Variants in FLT1 observed in about 807,000 individuals in gnomAD.
FLT1 encodes the protein fms related receptor tyrosine kinase 1, also known as vascular endothelial growth factor receptor 1.
Under a neutral mutation model 156.3 loss-of-function variants are expected in FLT1, and 49 were observed. The observed-to-expected ratio is 0.31, with a 90% confidence interval of 0.25 to 0.40. The LOEUF is 0.40. Ranked by LOEUF, FLT1 falls within the 10% of genes least tolerant of loss-of-function variation. The pLI is 1.00. For synonymous variants in FLT1, 594 were observed against 583.8 expected, an observed-to-expected ratio of 1.02 and a Z score of -0.25; for missense variants, 1,322 against 1,637.2, an observed-to-expected ratio of 0.81 and a Z score of 3.32.
At chr13:28,486,529 T>A (rs903148801) in intron 1 of FLT1, among the ~76,000 whole-genome samples, 7 of 152,198 alleles carry the variant, frequency 4.6e-5, no homozygotes, top group African/African-American at 1.4e-4. Context: ...TAGTATGGTG[T>A]TTGCCAATAT....
chr13:28,300,471 C>G lies in FLT1; in HGVS notation c.*2696G>C, dbSNP rs976791903. ...ATATTCTTGGTTTGTATAAAAGTAA[C>G]TTTAAAATTCCAGTTTCCTTAAATA... On this transcript the variant is annotated 3_prime_UTR_variant, in exon 30 of 30. Coordinates refer to ENST00000282397, the MANE Select transcript of FLT1 (RefSeq NM_002019.4). The G allele has an allele frequency of 1.3e-5, 3 of 232,432 alleles. No homozygotes were observed. The highest frequency in any genetic ancestry group is 8.5e-6 in the Non-Finnish European group (1 of 117,846). The allele number at this position is 232,432 out of a possible 1,614,324, so 14.4% of individuals were successfully genotyped here.
intron 12 of FLT1, among the ~76,000 whole-genome samples, chr13:28,391,037 C>T (rs1278914204): frequency 6.6e-6 from 1 of 152,138 alleles, no homozygotes; most frequent in Non-Finnish European, 1.5e-5. Flanking sequence ...TTACTCAGGA[C>T]TTCTTTTATG....
intron 1 of FLT1, among the ~76,000 whole-genome samples, chr13:28,473,774 GAAGGAAA>G (rs1880351727): frequency 3.4e-5 from 3 of 87,418 alleles, no homozygotes; most frequent in African/African-American, 1.4e-4. Flanking sequence ...AGGAAGGAAG[GAAGGAAA>G]GAAAGAAAGA....
At chr13:28,382,502 C>G (rs1481766717) in intron 14 of FLT1, among the ~76,000 whole-genome samples, 1 of 152,090 alleles carries the variant, frequency 6.6e-6, no homozygotes, top group Non-Finnish European at 1.5e-5. Context: ...GAGTTGGAGC[C>G]GGTGGAAGAC....
intron 23 of FLT1, among the ~76,000 whole-genome samples, chr13:28,321,031 C>A (rs997085020): frequency 1.4e-4 from 21 of 152,204 alleles, no homozygotes; most frequent in Non-Finnish European, 7.3e-5. Context: ...TCAGCTACTG[C>A]TGACGGTCTT....
At chr13:28,423,257 C>A (rs1877123331) in intron 10 of FLT1, among the ~76,000 whole-genome samples, 1 of 152,138 alleles carries the variant, frequency 6.6e-6, no homozygotes, top group Non-Finnish European at 1.5e-5. Context: ...ATGGGGCAGG[C>A]CACACGAACT....
intron 16 of FLT1, among the ~76,000 whole-genome samples, chr13:28,343,741 C>T (rs1872442995): frequency 6.6e-6 from 1 of 151,604 alleles, no homozygotes; most frequent in Non-Finnish European, 1.5e-5. Context: ...CTCCCAGGTT[C>T]ATGCCATTCT....
At chr13:28,431,404 A>C (rs1877675563) in intron 6 of FLT1, 94 bp from the exon 7 acceptor site, 6 of 881,628 alleles carry the variant, frequency 6.8e-6, no homozygotes, top group Non-Finnish European at 1.1e-5. Flanking sequence ...TTAGTTCGAC[A>C]ACAGCTTCTG....
chr13:28,354,154 G>A (rs1872821051), intron 15 of FLT1, among the ~76,000 whole-genome samples: 1 of 152,146 alleles, frequency 6.6e-6, no homozygotes, highest in South Asian at 2.1e-4. Context: ...TAGAAGAAGA[G>A]TCCCATTTCA....
At chr13:28,441,490 G>A (rs1031436528) in intron 3 of FLT1, among the ~76,000 whole-genome samples, 2 of 152,146 alleles carry the variant, frequency 1.3e-5, no homozygotes, top group African/African-American at 2.4e-5. Flanking sequence ...TTCCTCCAAG[G>A]AGGCAAGGAT....
At chr13:28,314,746 G>GA (rs1871135659) in intron 25 of FLT1, among the ~76,000 whole-genome samples, 2 of 152,196 alleles carry the variant, frequency 1.3e-5, no homozygotes, top group Non-Finnish European at 2.9e-5. Flanking sequence ...ACATGCTGGA[G>GA]AAAATGGCTG....
intron 4 of FLT1, among the ~76,000 whole-genome samples, chr13:28,435,927 G>C (rs1877998934): frequency 1.3e-5 from 2 of 152,160 alleles, no homozygotes; most frequent in African/African-American, 4.8e-5. Flanking sequence ...GAAAAACCCA[G>C]AAAAATTTAA....
At chr13:28,407,327 T>G (rs1875872085) in intron 10 of FLT1, among the ~76,000 whole-genome samples, 1 of 152,152 alleles carries the variant, frequency 6.6e-6, no homozygotes, top group African/African-American at 2.4e-5. Context: ...CCACCCAGAT[T>G]TCACAGTTAT....
intron 14 of FLT1, among the ~76,000 whole-genome samples, 183 bp from the exon 15 acceptor site, chr13:28,357,868 CTTTTTTTTTTT>C (rs57304530): frequency 3.0e-4 from 31 of 104,732 alleles, no homozygotes; most frequent in African/African-American, 8.9e-4. Context: ...CTTTTCTTTC[CTTTTTTTTTTT>C]TTTTTTTTTT....
intron 25 of FLT1, among the ~76,000 whole-genome samples, chr13:28,317,200 A>T (rs1359142142): frequency 6.6e-6 from 1 of 152,178 alleles, no homozygotes; most frequent in Non-Finnish European, 1.5e-5. Flanking sequence ...TTTTGCCTGG[A>T]TTCATACCTA....
intron 3 of FLT1, among the ~76,000 whole-genome samples, chr13:28,449,949 G>A (rs1348104621): frequency 6.6e-6 from 1 of 152,100 alleles, no homozygotes; most frequent in Non-Finnish European, 1.5e-5. Context: ...CTTCGCCTAA[G>A]CCCCCTGGGA....
At chr13:28,467,255 C>G in intron 2 of FLT1, 126 bp from the exon 3 acceptor site, 1 of 789,988 alleles carries the variant, frequency 1.3e-6, no homozygotes, top group South Asian at 1.4e-5. Flanking sequence ...TTCCTCTTTA[C>G]GGGAAAGCAA....
intron 1 of FLT1, among the ~76,000 whole-genome samples, chr13:28,481,692 C>T (rs1271516860): frequency 6.6e-6 from 1 of 152,190 alleles, no homozygotes. Context: ...CTAAGCTGGC[C>T]TCTTAGGGGC....
intron 3 of FLT1, among the ~76,000 whole-genome samples, chr13:28,458,128 G>A (rs1879370526): frequency 6.6e-6 from 1 of 151,606 alleles, no homozygotes; most frequent in Non-Finnish European, 1.5e-5. Context: ...GTAGAGACGG[G>A]GTTTCACCAT....
Sources: allele counts gnomAD v4.1 joint callset (sites outside exome capture counted in the v4.1 genomes callset), GRCh38; gene constraint gnomAD v4.1.1; transcripts MANE v1.5; gene names NCBI Gene and HGNC (gene_info 2026-07-23, HGNC 2026-07-21).